Variants in TXLNB observed in about 807,000 individuals in gnomAD.
The protein encoded by TXLNB is taxilin beta, also known as beta-taxilin.
TXLNB carries 37 observed loss-of-function variants against 57.4 expected under a neutral mutation model. The ratio of observed to expected loss-of-function variants is 0.64; its 90% CI spans 0.50 to 0.85. TXLNB has a LOEUF of 0.85. TXLNB is among the 40% of genes least tolerant of loss of function. The pLI is 0.00. For missense variants in TXLNB, 848 were observed against 825.6 expected (o/e 1.03, Z -0.33); for synonymous variants, 302 against 309.6 (o/e 0.98, Z 0.26).
chr6:139,304,272 T>G, the TXLNB span, among the ~76,000 whole-genome samples: 1 of 152,320 alleles, frequency 6.6e-6, no homozygotes, highest in African/African-American at 2.4e-5. Flanking sequence ...ATATATCAGT[T>G]AAAGGCATTT....
At chr6:139,226,296 C>T in the TXLNB span, among the ~76,000 whole-genome samples, 1 of 71,140 alleles carries the variant, frequency 1.4e-5, no homozygotes, top group African/African-American at 5.9e-5. Context: ...GAGTGAGACC[C>T]TGTCTCAAAA....
chr6:139,278,732 A>G lies in TXLNB; in HGVS notation c.425-1811T>C, dbSNP rs577716802. ...TAGAATAAAACAAAGCTGGCCAGGC[A>G]CGGTGGCTCACGCCTGTAATCCCAA... On this transcript the variant is annotated intron_variant, in intron 2 of 9. Coordinates refer to ENST00000358430, the MANE Select transcript of TXLNB (RefSeq NM_153235.4). 4.4e-3 allele frequency among the ~76,000 whole-genome samples: 671 copies of G among 152,364 alleles called. 3 individuals are homozygous for G. The highest frequency in any genetic ancestry group is 6.1e-3 in the African/African-American group (252 of 41,596).
the TXLNB span, among the ~76,000 whole-genome samples, chr6:139,211,995 C>T: frequency 6.6e-6 from 1 of 152,114 alleles, no homozygotes; most frequent in African/African-American, 2.4e-5. Context: ...ACCAAATCTG[C>T]GTCTAATTGG....
Position 139,288,465 on chromosome 6 carries a change from T to TA in TXLNB, c.424+10dup. 1 of 1,611,574 alleles carries TA rather than the reference T, an allele frequency of 6.2e-7. No homozygotes were observed. Among genetic ancestry groups the TA allele is most frequent in the South Asian group, 1.1e-5 (1 of 91,006 alleles). Reference sequence around the variant, plus strand: ...TACAGAAAAGTCACATATTTGAACATAACTACTTGCCTAATCCTTTTAGGA... The same window carrying TA: ...TACAGAAAAGTCACATATTTGAACATAAACTACTTGCCTAATCCTTTTAGGA... On this transcript the variant is annotated intron_variant, in intron 2 of 9. Transcript: ENST00000358430.
chr6:139,251,118 C>T (rs1446519058), intron 7 of TXLNB, among the ~76,000 whole-genome samples: 1 of 152,174 alleles, frequency 6.6e-6, no homozygotes, highest in Non-Finnish European at 1.5e-5. Context: ...GATTCATCAC[C>T]AGCTCTTCTG....
intron 9 of TXLNB, among the ~76,000 whole-genome samples, chr6:139,244,387 C>A (rs1241886933): frequency 6.6e-6 from 1 of 152,144 alleles, no homozygotes; most frequent in Non-Finnish European, 1.5e-5. Flanking sequence ...CTTAGGGTCA[C>A]AAAACTCTTT....
chr6:139,174,572 T>G, the TXLNB span: 1 of 1,603,710 alleles, frequency 6.2e-7, no homozygotes, highest in Admixed American at 1.7e-5. Flanking sequence ...GAGCAGTGGG[T>G]GATATTAGGC....
At chr6:139,227,825 C>T in the TXLNB span, among the ~76,000 whole-genome samples, 1 of 151,986 alleles carries the variant, frequency 6.6e-6, no homozygotes, top group Non-Finnish European at 1.5e-5. Context: ...AAAAAACAGC[C>T]CCCTTACACA....
At chr6:139,314,677 T>C in the TXLNB span, among the ~76,000 whole-genome samples, 1 of 152,192 alleles carries the variant, frequency 6.6e-6, no homozygotes, top group Non-Finnish European at 1.5e-5. Context: ...CTCTTTTCCA[T>C]TGACAGTGAT....
At chr6:139,163,352 C>CTTTTTTT in the TXLNB span, among the ~76,000 whole-genome samples, 1 of 142,408 alleles carries the variant, frequency 7.0e-6, no homozygotes. Context: ...GTTCTCCATT[C>CTTTTTTT]TTTTTTTTTT....
chr6:139,182,501 G>A, the TXLNB span, among the ~76,000 whole-genome samples: 5 of 152,124 alleles, frequency 3.3e-5, no homozygotes, highest in Non-Finnish European at 2.9e-5. Context: ...TGCTTGTATT[G>A]TTTTGACTTA....
chr6:139,248,315 G>A (rs1001546790), intron 7 of TXLNB, among the ~76,000 whole-genome samples: 2 of 151,492 alleles, frequency 1.3e-5, no homozygotes, highest in African/African-American at 4.8e-5. Flanking sequence ...GGCCAACATG[G>A]TGAAACCCCG....
chr6:139,244,673 C>A lies in TXLNB; in HGVS notation c.1188G>T (p.Lys396Asn). ...ATGTGGCTGTGTCCTTTTCCAGCTT[C>A]TTCATTTTCTTAGTTGTCTACAGAA... Reference protein sequence around the residue: ...QEMDKTTKKMKKLEKDTATWK... With the variant: ...QEMDKTTKKMNKLEKDTATWK... The change falls in exon 9 of 10, where the codon AAG (lysine) becomes AAT (asparagine). Residue 396 changes from lysine (K) to asparagine (N), a missense_variant. Coordinates refer to ENST00000358430, the MANE Select transcript of TXLNB (RefSeq NM_153235.4). 6.2e-7 allele frequency: 1 copy of A among 1,613,110 alleles called. No homozygotes were observed. The highest frequency in any genetic ancestry group is 1.1e-5 in the South Asian group (1 of 91,046).
intron 3 of TXLNB, among the ~76,000 whole-genome samples, chr6:139,272,749 G>A (rs918740306): frequency 6.6e-6 from 1 of 152,062 alleles, no homozygotes; most frequent in African/African-American, 2.4e-5. Flanking sequence ...TTTATATATT[G>A]TAGGCCAGGC....
intron 5 of TXLNB, 40 bp downstream of exon 5, chr6:139,262,539 G>C: frequency 6.6e-7 from 1 of 1,504,228 alleles, no homozygotes. Flanking sequence ...CCCAGATCCG[G>C]ATCTATGTAC....
chr6:139,289,308 G>T (rs569860771), intron 1 of TXLNB, among the ~76,000 whole-genome samples: 3 of 149,926 alleles, frequency 2.0e-5, no homozygotes, highest in African/African-American at 4.9e-5. Flanking sequence ...AATTACCGGT[G>T]CATGCAGCCC....
rs1297412543 is a variant in TXLNB, at chr6:139,288,793, T to C, written c.107A>G (p.Gln36Arg). The C allele has an allele frequency of 1.2e-6, 2 of 1,614,118 alleles. No homozygotes were observed. Among genetic ancestry groups the C allele is most frequent in the African/African-American group, 1.3e-5 (1 of 74,942 alleles). ...TGGTTGGACTGGGGTTGGAGAATCC[T>C]GGCCATCTTCCTTCTCCAGGCCATT... ...SHNGLEKEDG[Q>R]DSPTPVQPPE... The change falls in exon 2 of 10, where the codon CAG (glutamine) becomes CGG (arginine). Residue 36 changes from glutamine (Q) to arginine (R), a missense_variant. Physicochemically the swap from Gln to Arg is conservative, Grantham distance 43 (BLOSUM62 1). Coordinates refer to ENST00000358430, the MANE Select transcript of TXLNB (RefSeq NM_153235.4).
the TXLNB span, among the ~76,000 whole-genome samples, chr6:139,173,273 T>C: frequency 2.6e-5 from 4 of 152,202 alleles, no homozygotes; most frequent in African/African-American, 9.7e-5. Flanking sequence ...CCCCATCCAT[T>C]TACCCAACAT....
At chr6:139,311,856 G>A in the TXLNB span, among the ~76,000 whole-genome samples, 3,731 of 152,204 alleles carry the variant, frequency 0.025, 161 homozygotes, top group African/African-American at 0.086. Context: ...AAATCCGAGA[G>A]CAGGGGGGCT....
Sources: allele counts gnomAD v4.1 joint callset (sites outside exome capture counted in the v4.1 genomes callset), GRCh38; gene constraint gnomAD v4.1.1; transcripts MANE v1.5; gene names NCBI Gene and HGNC (gene_info 2026-07-23, HGNC 2026-07-21).